The following PTPRF variants were observed in gnomAD, a reference collection of about 807,000 sequenced individuals.
PTPRF encodes the protein protein tyrosine phosphatase receptor type F.
A neutral mutation model predicts 201.8 loss-of-function variants in PTPRF; 59 were observed. The ratio of observed to expected loss-of-function variants is 0.29; its 90% CI spans 0.24 to 0.36. The LOEUF (loss-of-function observed/expected upper bound fraction) is 0.36. Ranked by LOEUF, PTPRF falls within the 10% of genes least tolerant of loss-of-function variation. PTPRF has a pLI of 1.00. For missense variants in PTPRF, 2,132 were observed against 2,690.5 expected (o/e 0.79, Z 4.59); for synonymous variants, 1,088 against 1,089.7 (o/e 1.00, Z 0.03).
chr1:43,552,556 C>T (rs1169595683), intron 3 of PTPRF, among the ~76,000 whole-genome samples: 2 of 152,220 alleles, frequency 1.3e-5, no homozygotes. Flanking sequence ...AACAGGTGGT[C>T]TGAAAGGTCA....
At chr1:43,568,695 T>A (rs757353517) in intron 5 of PTPRF, among the ~76,000 whole-genome samples, 11 of 152,148 alleles carry the variant, frequency 7.2e-5, no homozygotes, top group Non-Finnish European at 1.5e-4. Context: ...TAGATAGCCT[T>A]GCCCTGCAGC....
At chr1:43,522,373 T>C (rs1199744184), upstream of PTPRF, among the ~76,000 whole-genome samples, 1 of 152,096 alleles carries the variant, frequency 6.6e-6, no homozygotes, top group Non-Finnish European at 1.5e-5. Flanking sequence ...TAGTGACTGT[T>C]CGTTTTTTCT....
chr1:43,549,908 G>A (rs1644910826), intron 3 of PTPRF, among the ~76,000 whole-genome samples: 2 of 152,082 alleles, frequency 1.3e-5, no homozygotes, highest in Non-Finnish European at 2.9e-5. Flanking sequence ...AGCTTAGGAG[G>A]AGCACATTTC....
chr1:43,586,774 T>C (rs1649269660), intron 7 of PTPRF, among the ~76,000 whole-genome samples: 1 of 152,222 alleles, frequency 6.6e-6, no homozygotes, highest in African/African-American at 2.4e-5. Flanking sequence ...CAGCTTTTCC[T>C]GTGTGTTGGG....
chr1:43,585,287 C>T (rs1648841450), intron 7 of PTPRF, among the ~76,000 whole-genome samples: 1 of 152,164 alleles, frequency 6.6e-6, no homozygotes, highest in Non-Finnish European at 1.5e-5. Flanking sequence ...GGGTGGCTGT[C>T]TGGGCAGGTC....
intron 7 of PTPRF, among the ~76,000 whole-genome samples, chr1:43,581,300 C>T (rs1025481848): frequency 3.4e-4 from 52 of 152,216 alleles, no homozygotes; most frequent in African/African-American, 1.2e-3. Context: ...CCTTTAGTTC[C>T]AGCCCCACTT....
rs1460514611 is a variant in PTPRF, at chr1:43,612,699, A to G, written c.3974-919A>G. 14 of 1,294,716 alleles carry G rather than the reference A, an allele frequency of 1.1e-5. 1 individual carries two copies. The Admixed American group carries it at 2.6e-4, about 24-fold the overall frequency. The allele number at this position is 1,294,716 out of a possible 1,614,324, so 80.2% of individuals were successfully genotyped here. On this transcript the variant is annotated intron_variant, in intron 22 of 33. Transcript: ENST00000359947. ...GTGTGTGATGGTGCTGTAAGCAGAA[A>G]AAGTTAACGGGCTTTCTTTTCTTGC...
chr1:43,602,441 G>A (rs1303347082), intron 14 of PTPRF, among the ~76,000 whole-genome samples: 1 of 152,202 alleles, frequency 6.6e-6, no homozygotes, highest in African/African-American at 2.4e-5. Context: ...TAGGGCCCAG[G>A]CTGGGAGGGC....
intron 11 of PTPRF, among the ~76,000 whole-genome samples, chr1:43,594,599 G>A (rs577535270): frequency 1.1e-4 from 17 of 152,238 alleles, no homozygotes; most frequent in Admixed American, 9.8e-4. Flanking sequence ...CGCAGGTGAG[G>A]TGATGGCGGT....
At chr1:43,565,715 T>TCGGTGAAG (rs1646119417) in intron 5 of PTPRF, among the ~76,000 whole-genome samples, 1 of 151,810 alleles carries the variant, frequency 6.6e-6, no homozygotes, top group South Asian at 2.1e-4. Context: ...GAGGGCCGCG[T>TCGGTGAAG]CGGTGAAGCG....
chr1:43,592,551 T>G lies in PTPRF; in HGVS notation c.1763T>G (p.Met588Arg). The G allele has an allele frequency of 6.2e-7, 1 of 1,610,966 alleles. No homozygotes were observed. The highest frequency in any genetic ancestry group is 8.5e-7 in the Non-Finnish European group (1 of 1,179,008). The change falls in exon 11 of 34, where the codon ATG (methionine) becomes AGG (arginine). Residue 588 changes from methionine (M) to arginine (R), a missense_variant. Transcript: ENST00000359947. ...TTCCAGCTGGCTGCACGCTCGGATA[T>G]GGGGGTGGGCGTCTTCACCCCCACC... ...YRFQLAARSD[M>R]GVGVFTPTIE...
intron 25 of PTPRF, 127 bp downstream of exon 25, chr1:43,618,038 G>A: frequency 1.0e-6 from 1 of 990,300 alleles, no homozygotes; most frequent in Non-Finnish European, 1.5e-6. Context: ...AGATGCTATT[G>A]TTACTGGGGG....
In PTPRF at chr1:43,530,952, TC is replaced by T; in HGVS notation, c.-262del. 1 of 156,880 alleles carries T rather than the reference TC, an allele frequency of 6.4e-6. No individual in the cohort carries two copies. The highest frequency in any genetic ancestry group is 1.4e-5 in the Non-Finnish European group (1 of 71,920). 9.7% of individuals were successfully genotyped at this position (156,880 alleles called of 1,614,324 possible). On this transcript the variant is annotated 5_prime_UTR_variant, in exon 1 of 34. Coordinates refer to ENST00000359947, the MANE Select transcript of PTPRF (RefSeq NM_002840.5). This position sits in a 1 kb window ranked among gnomAD's most constrained non-coding sequence, Gnocchi z 4.1. ...CTCCGGCTCGGGCTCGGGCTCCGGC[TC>T]CGGCTCCGGCTCCGGCTCCAGCTCG...
chr1:43,567,900 G>A (rs148258166), intron 5 of PTPRF, among the ~76,000 whole-genome samples: 1,651 of 152,218 alleles, frequency 0.011, 37 homozygotes, highest in African/African-American at 0.038. Flanking sequence ...CCAGCTCCCC[G>A]CCTTCCCCAG....
rs775893021 is a variant in PTPRF, at chr1:43,617,732, A to G, written c.4196-4A>G. The G allele has an allele frequency of 3.1e-6, 5 of 1,611,544 alleles. No individual in the cohort carries two copies. Among genetic ancestry groups the G allele is most frequent in the South Asian group, 2.2e-5 (2 of 90,964 alleles). On this transcript the variant is annotated splice_polypyrimidine_tract_variant and splice_region_variant and intron_variant, in intron 24 of 33. Transcript: ENST00000359947. Reference sequence around the variant, plus strand: ...TGCCCTCCCACCTCCTTTCTTATCCATAGGCGTCCCCGGGAGTGACTACAT... The same window carrying G: ...TGCCCTCCCACCTCCTTTCTTATCCGTAGGCGTCCCCGGGAGTGACTACAT...
chr1:43,565,849 C>G, intron 5 of PTPRF, among the ~76,000 whole-genome samples: 1 of 152,160 alleles, frequency 6.6e-6, no homozygotes, highest in East Asian at 1.9e-4. Flanking sequence ...CGCGCGCCTG[C>G]ACGGACTCGG....
rs112527493 is a variant in PTPRF, at chr1:43,615,767, C to T, written c.4072-1678C>T. Among the ~76,000 whole-genome samples, 274 of 151,930 alleles carry T rather than the reference C, an allele frequency of 1.8e-3. 1 individual carries two copies. The highest frequency in any genetic ancestry group is 2.8e-3 in the Non-Finnish European group (192 of 67,942). On this transcript the variant is annotated intron_variant, in intron 23 of 33. Transcript: ENST00000359947. ...ATTTTTAGTAGAGATGGGGTTTCAC[C>T]GTGTTAGCCAGGATGGTCTCGATCT...
At chr1:43,574,399 A>G (rs1407961971) in intron 6 of PTPRF, among the ~76,000 whole-genome samples, 1 of 152,162 alleles carries the variant, frequency 6.6e-6, no homozygotes. Flanking sequence ...AACCTATTAT[A>G]TATTAGCATA....
In PTPRF at chr1:43,605,651, C is replaced by T. The variant is rs112652906; in HGVS notation, c.3483+29C>T. The T allele has an allele frequency of 3.6e-5, 57 of 1,598,510 alleles. 3 individuals carry two copies. In the African/African-American group the frequency reaches 4.1e-4, roughly 12 times the overall value. On this transcript the variant is annotated intron_variant, in intron 19 of 33. Transcript: ENST00000359947. ...CCTGGGGAGGGGATGGGGACACTGA[C>T]AGCCCCATTGCAGTGGTCAGCTGTG...
Sources: gnomAD v4.1 joint callset for allele counts (sites outside exome capture counted in the v4.1 genomes callset) on GRCh38, gnomAD v4.1.1 for gene constraint, Gnocchi (gnomAD v3.1) non-coding constraint, MANE v1.5 for transcripts, NCBI Gene and HGNC (gene_info 2026-07-23, HGNC 2026-07-21) for gene names.